The following NQO2 variants were observed in gnomAD, a reference collection of about 807,000 sequenced individuals.
NQO2 encodes the protein N-ribosyldihydronicotinamide:quinone dehydrogenase 2.
Under a neutral mutation model 22.0 loss-of-function variants are expected in NQO2, and 18 were observed. The ratio of observed to expected loss-of-function variants is 0.82; its 90% CI spans 0.56 to 1.21. The LOEUF (loss-of-function observed/expected upper bound fraction) is 1.21, where lower values mean the gene tolerates loss of function less well. Among genes scored for constraint, NQO2 ranks in the 50% most tolerant of loss-of-function variants. The pLI, the probability that NQO2 is intolerant of heterozygous loss-of-function variation, is 0.00. For synonymous variants in NQO2, 106 were observed against 110.8 expected, an observed-to-expected ratio of 0.96 and a Z score of 0.28; for missense variants, 267 against 286.9, an observed-to-expected ratio of 0.93 and a Z score of 0.50.
chr6:3,010,904 G>A (rs576356635), intron 3 of NQO2, among the ~76,000 whole-genome samples: 3 of 151,666 alleles, frequency 2.0e-5, no homozygotes, highest in Admixed American at 2.0e-4. Flanking sequence ...GCAAACGTGG[G>A]CATAAACCAC....
chr6:3,017,082 A>T lies in NQO2; in HGVS notation c.519+97A>T, dbSNP rs577264772. ...TACACACACACACGCACACACATAC[A>T]TGCCCTCAGCTCCCCGAGGGGTGAG... On this transcript the variant is annotated intron_variant, in intron 6 of 6. Transcript: ENST00000380455. 9.6e-5 allele frequency: 133 copies of T among 1,387,600 alleles called. 1 individual carries two copies. The South Asian group carries it at 1.5e-3, about 16-fold the overall frequency. The allele number at this position is 1,387,600 out of a possible 1,614,324, so 86.0% of individuals were successfully genotyped here. A position where few individuals can be genotyped will look rare whatever the true frequency, so the allele number is the denominator to read the frequency against.
chr6:3,010,168 G>A lies in NQO2; in HGVS notation c.151G>A (p.Ala51Thr). The A allele has an allele frequency of 6.2e-7, 1 of 1,611,676 alleles. No homozygotes were observed. Among genetic ancestry groups the A allele is most frequent in the Non-Finnish European group, 8.5e-7 (1 of 1,178,828 alleles). ...GTATGCCATGAACCTTGAGCCGAGG[G>A]CCACAGACAAAGATATCACTGGTGA... ...DLYAMNLEPR[A>T]TDKDITGTLS... is the part of the protein sequence containing the mutation. The change falls in exon 3 of 7, where the codon GCC becomes ACC. Residue 51 changes from alanine (A) to threonine (T), a missense_variant. Coordinates refer to ENST00000380455, the MANE Select transcript of NQO2 (RefSeq NM_000904.6).
intron 4 of NQO2, 112 bp from the exon 5 acceptor site, chr6:3,015,418 C>T: frequency 3.4e-6 from 5 of 1,483,060 alleles, no homozygotes; most frequent in Non-Finnish European, 4.5e-6. Context: ...ACCTGCCCAG[C>T]TGCCAGGGAA....
At chr6:3,017,073 C>A in intron 6 of NQO2, 88 bp downstream of exon 6, 1 of 1,471,200 alleles carries the variant, frequency 6.8e-7, no homozygotes, top group Non-Finnish European at 9.3e-7. Flanking sequence ...CACACACGCA[C>A]ACACATACAT....
In NQO2 at chr6:3,012,781, G is replaced by A. The variant is rs1466199523; in HGVS notation, c.303+107G>A. ...TCTGGAAGTGGCATCAATGTTTTGA[G>A]CACAGTTGCACACTTACTGAGCAAA... On this transcript the variant is annotated intron_variant, in intron 4 of 6. Coordinates refer to ENST00000380455, the MANE Select transcript of NQO2 (RefSeq NM_000904.6). 8.1e-6 allele frequency: 9 copies of A among 1,106,678 alleles called. No individual in the cohort carries two copies. The East Asian group carries it at 1.0e-4, about 12-fold the overall frequency. 68.6% of individuals were successfully genotyped at this position (1,106,678 alleles called of 1,614,324 possible). A position where few individuals can be genotyped will look rare whatever the true frequency, so the allele number is the denominator to read the frequency against.
At chr6:3,015,227 T>A in intron 4 of NQO2, 1 of 1,388,020 alleles carries the variant, frequency 7.2e-7, no homozygotes, top group Non-Finnish European at 9.5e-7. Flanking sequence ...AGACTGCTGC[T>A]CCAAAGCTGG....
intron 5 of NQO2, 21 bp from the exon 6 acceptor site, chr6:3,016,863 C>T (rs776161914): frequency 1.2e-6 from 2 of 1,612,254 alleles, no homozygotes; most frequent in Non-Finnish European, 1.7e-6. Context: ...CACACAAATG[C>T]ATCTGCTTTC....
chr6:3,016,450 A>T (rs1295315551), intron 5 of NQO2, among the ~76,000 whole-genome samples: 2 of 140,082 alleles, frequency 1.4e-5, no homozygotes, highest in African/African-American at 5.4e-5. Context: ...AAAAAAAAAA[A>T]GGAACGATTT....
At chr6:3,004,517 C>T in intron 1 of NQO2, 1 of 985,626 alleles carries the variant, frequency 1.0e-6, no homozygotes, top group Non-Finnish European at 1.2e-6. Context: ...GGGTGGAGCC[C>T]ACTCCTCAGC....
chr6:3,012,271 TA>T, intron 3 of NQO2: 1 of 510,774 alleles, frequency 2.0e-6, no homozygotes, highest in Non-Finnish European at 2.5e-6. Flanking sequence ...TGCTCTCTGG[TA>T]AATTGGGAAA....
chr6:3,012,693 A>G lies in NQO2; in HGVS notation c.303+19A>G, dbSNP rs373543500. The G allele has an allele frequency of 1.2e-6, 2 of 1,606,974 alleles. No homozygotes were observed. Among genetic ancestry groups the G allele is most frequent in the Non-Finnish European group, 1.7e-6 (2 of 1,176,060 alleles). ...ATTTCAGGTTTGTTTTTCTCTAATT[A>G]ATATATTGAATCAGATTCATCTTAT... On this transcript the variant is annotated intron_variant, in intron 4 of 6. Transcript: ENST00000380455.
At chr6:3,016,061 C>A (rs1757315680) in intron 5 of NQO2, among the ~76,000 whole-genome samples, 1 of 152,208 alleles carries the variant, frequency 6.6e-6, no homozygotes, top group Non-Finnish European at 1.5e-5. Context: ...CCATGCGACA[C>A]CCACGTGGCA....
Position 3,006,408 on chromosome 6 carries a change from G to C in NQO2, c.-85-60G>C. The C allele has an allele frequency of 6.7e-7, 1 of 1,491,128 alleles. No homozygotes were observed. The highest frequency in any genetic ancestry group is 8.9e-7 in the Non-Finnish European group (1 of 1,123,228). 92.4% of individuals were successfully genotyped at this position (1,491,128 alleles called of 1,614,324 possible). On this transcript the variant is annotated intron_variant, in intron 1 of 6. Coordinates refer to ENST00000380455, the MANE Select transcript of NQO2 (RefSeq NM_000904.6). This position sits in a 1 kb window ranked among gnomAD's most constrained non-coding sequence, Gnocchi z 4.0. ...GGAAGCAGCAGTGATGCCTAGATGT[G>C]GTACATTCGACCTCACCTATGCCTC...
intron 5 of NQO2, 30 bp from the exon 6 acceptor site, chr6:3,016,854 A>T: frequency 6.2e-7 from 1 of 1,610,974 alleles, no homozygotes; most frequent in Non-Finnish European, 8.5e-7. Context: ...TCTGGAGTCC[A>T]CACAAATGCA....
rs528047841 is a variant in NQO2 at position 3,018,212 on chromosome 6, T to A, written c.519+1227T>A. 3.3e-5 allele frequency among the ~76,000 whole-genome samples: 5 copies of A among 152,340 alleles called. No homozygotes were observed. The East Asian group carries it at 7.7e-4, about 23-fold the overall frequency. On this transcript the variant is annotated intron_variant, in intron 6 of 6. Coordinates refer to ENST00000380455, the MANE Select transcript of NQO2 (RefSeq NM_000904.6). Reference sequence around the variant, plus strand: ...TCTTAGTTGGTTTCCAGTAATAAAGTCATGTTGTCTGAAGCTGGGTGCGGT... The same window carrying A: ...TCTTAGTTGGTTTCCAGTAATAAAGACATGTTGTCTGAAGCTGGGTGCGGT...
chr6:3,019,381 G>A lies in NQO2; in HGVS notation c.520-98G>A, dbSNP rs1757456525. 9 of 1,458,780 alleles carry A rather than the reference G, an allele frequency of 6.2e-6. No homozygotes were observed. In the South Asian group the frequency reaches 1.4e-4, roughly 22 times the overall value. 90.4% of individuals were successfully genotyped at this position (1,458,780 alleles called of 1,614,324 possible). On this transcript the variant is annotated intron_variant, in intron 6 of 6. Transcript: ENST00000380455. ...TAAGGTTGTTTCATGATTTTTTGAA[G>A]GTTTGTTTCACACCATTTCCCCCCT...
intron 1 of NQO2, chr6:3,004,318 C>A (rs1756856743): frequency 1.0e-6 from 1 of 985,152 alleles, no homozygotes; most frequent in Non-Finnish European, 1.2e-6. Context: ...AGGTTCCCAG[C>A]TGTCCAGTGA....
intron 3 of NQO2, 39 bp downstream of exon 3, chr6:3,010,228 C>A: frequency 6.8e-7 from 1 of 1,473,972 alleles, no homozygotes; most frequent in South Asian, 1.4e-5. Flanking sequence ...TAAAAACCAT[C>A]TTTATGTTTT....
intron 4 of NQO2, among the ~76,000 whole-genome samples, chr6:3,013,311 A>T (rs543801834): frequency 6.6e-6 from 1 of 152,274 alleles, no homozygotes; most frequent in South Asian, 2.1e-4. Flanking sequence ...CACGTAGCCA[A>T]TATCACTCAC....
Sources: gnomAD v4.1 joint callset for allele counts (sites outside exome capture counted in the v4.1 genomes callset) on GRCh38, gnomAD v4.1.1 for gene constraint, Gnocchi (gnomAD v3.1) non-coding constraint, MANE v1.5 for transcripts, NCBI Gene and HGNC (gene_info 2026-07-23, HGNC 2026-07-21) for gene names.